Variants in KHDRBS3 observed in about 807,000 individuals in gnomAD.
KHDRBS3 encodes the protein KH RNA binding domain containing, signal transduction associated 3.
KHDRBS3 carries 23 observed loss-of-function variants against 45.6 expected under a neutral mutation model. The observed-to-expected ratio is 0.50, with a 90% CI of 0.36 to 0.72. KHDRBS3 has a LOEUF of 0.72. Among genes scored for constraint, KHDRBS3 ranks in the 30% least tolerant of loss-of-function variants. KHDRBS3 has a pLI of 0.00. For missense variants in KHDRBS3, 352 were observed against 424.8 expected (o/e 0.83, Z 1.51); for synonymous variants, 162 against 156.5 (o/e 1.04, Z -0.26).
At chr8:135,506,858 C>CT (rs1166668678) in intron 1 of KHDRBS3, among the ~76,000 whole-genome samples, 3 of 150,754 alleles carry the variant, frequency 2.0e-5, no homozygotes, top group African/African-American at 7.4e-5. Context: ...AAATCTAACC[C>CT]TTTTTTTACA....
At chr8:135,479,203 A>G (rs964758349) in intron 1 of KHDRBS3, among the ~76,000 whole-genome samples, 1 of 152,360 alleles carries the variant, frequency 6.6e-6, no homozygotes, top group South Asian at 2.1e-4. Flanking sequence ...ATATGCTAAT[A>G]AATTAGATAC....
chr8:135,650,359 A>G (rs1831404424), downstream of KHDRBS3, among the ~76,000 whole-genome samples: 1 of 152,030 alleles, frequency 6.6e-6, no homozygotes, highest in Admixed American at 6.6e-5. Flanking sequence ...GTGATCCTCC[A>G]CCCTCTCTAA....
intron 1 of KHDRBS3, among the ~76,000 whole-genome samples, chr8:135,492,258 ACTTAG>A (rs1823193139): frequency 6.6e-6 from 1 of 152,082 alleles, no homozygotes; most frequent in African/African-American, 2.4e-5. Context: ...GGATTGTAGT[ACTTAG>A]CTTTGCTTTG....
intron 1 of KHDRBS3, among the ~76,000 whole-genome samples, chr8:135,485,646 A>G (rs921609223): frequency 3.9e-5 from 6 of 152,078 alleles, no homozygotes; most frequent in African/African-American, 1.4e-4. Context: ...TTAATTTGCA[A>G]AATACCAGCT....
At chr8:135,549,609 A>G (rs947013768) in intron 4 of KHDRBS3, 1 of 152,194 alleles carries the variant, frequency 6.6e-6, no homozygotes, top group Non-Finnish European at 1.5e-5. Context: ...AAAAGGACTT[A>G]TTATGTCATT....
At chr8:135,631,065 A>G (rs1039537114) in intron 7 of KHDRBS3, among the ~76,000 whole-genome samples, 2 of 152,124 alleles carry the variant, frequency 1.3e-5, no homozygotes, top group Admixed American at 6.5e-5. Context: ...TCTGGCCAAC[A>G]TGGTGAGACC....
intron 2 of KHDRBS3, among the ~76,000 whole-genome samples, chr8:135,534,889 C>T (rs1825657257): frequency 6.6e-6 from 1 of 152,162 alleles, no homozygotes; most frequent in African/African-American, 2.4e-5. Context: ...CACGCTGAGG[C>T]TGCCATGGTA....
intron 1 of KHDRBS3, among the ~76,000 whole-genome samples, chr8:135,508,897 T>C (rs1285313507): frequency 1.3e-5 from 2 of 152,174 alleles, no homozygotes; most frequent in Non-Finnish European, 2.9e-5. Flanking sequence ...AGTAAAAACT[T>C]AGCCAGTCTT....
At chr8:135,625,657 G>GA in intron 7 of KHDRBS3, 2 of 833,012 alleles carry the variant, frequency 2.4e-6, no homozygotes, top group Non-Finnish European at 4.2e-6. Context: ...TTGAAACACT[G>GA]AACGAATTCA....
At chr8:135,520,246 C>A (rs2130647183) in intron 1 of KHDRBS3, among the ~76,000 whole-genome samples, 1 of 152,276 alleles carries the variant, frequency 6.6e-6, no homozygotes, top group Non-Finnish European at 1.5e-5. Flanking sequence ...TCTTTGATAC[C>A]TTCTCCAGGC....
At chr8:135,630,979 TG>T (rs1045976040) in intron 7 of KHDRBS3, among the ~76,000 whole-genome samples, 1 of 152,172 alleles carries the variant, frequency 6.6e-6, no homozygotes, top group African/African-American at 2.4e-5. Flanking sequence ...CCGGGCGCGG[TG>T]GCTCACGCCT....
intron 7 of KHDRBS3, among the ~76,000 whole-genome samples, chr8:135,613,459 T>A (rs961259806): frequency 1.3e-5 from 2 of 151,736 alleles, no homozygotes; most frequent in African/African-American, 4.9e-5. Flanking sequence ...AAGCACGTAG[T>A]CTTTGTAAAC....
At chr8:135,585,731 C>T (rs1218667893) in intron 6 of KHDRBS3, among the ~76,000 whole-genome samples, 1 of 152,118 alleles carries the variant, frequency 6.6e-6, no homozygotes, top group Non-Finnish European at 1.5e-5. Context: ...GTCCAGTTTT[C>T]AAAAGATTAT....
At chr8:135,482,370 G>A (rs867064663) in intron 1 of KHDRBS3, among the ~76,000 whole-genome samples, 44 of 53,128 alleles carry the variant, frequency 8.3e-4, no homozygotes, top group South Asian at 1.2e-3. Context: ...TGTTGCCCTG[G>A]GAAATGGTAA....
intron 6 of KHDRBS3, among the ~76,000 whole-genome samples, chr8:135,584,664 G>A (rs1828378048): frequency 6.6e-6 from 1 of 152,178 alleles, no homozygotes; most frequent in African/African-American, 2.4e-5. Flanking sequence ...CTGGTACTTG[G>A]TATAAGGAGT....
At chr8:135,570,742 G>A (rs971192328) in intron 5 of KHDRBS3, among the ~76,000 whole-genome samples, 1 of 152,176 alleles carries the variant, frequency 6.6e-6, no homozygotes, top group Non-Finnish European at 1.5e-5. Context: ...CTTGTTACCT[G>A]GCATGAGTAC....
At position 135,521,255 on chromosome 8, in the gene KHDRBS3, A is replaced by G; in HGVS notation, c.107A>G (p.Lys36Arg). 6.2e-7 allele frequency: 1 copy of G among 1,611,434 alleles called. No homozygotes were observed. The highest frequency in any genetic ancestry group is 1.3e-5 in the African/African-American group (1 of 74,972). Residue 36 changes from lysine (K) to arginine (R), a missense_variant, in exon 2 of 9, where the codon AAA becomes AGA. Transcript: ENST00000355849. ...LVNQEIEKFQ[K>R]GEGKDEEKYI... ...TCCACAGAAATAGAAAAGTTTCAAA[A>G]AGGAGAAGGCAAGGATGAAGAAAAG...
chr8:135,623,391 C>A (rs2131099001), intron 7 of KHDRBS3, among the ~76,000 whole-genome samples: 1 of 152,242 alleles, frequency 6.6e-6, no homozygotes, highest in African/African-American at 2.4e-5. Flanking sequence ...CTTGAGCGAG[C>A]CGCACAGTAA....
intron 7 of KHDRBS3, chr8:135,625,407 T>A: frequency 1.3e-6 from 1 of 778,672 alleles, no homozygotes; most frequent in Admixed American, 1.8e-5. Context: ...TCAACTCAGC[T>A]GCCTCATCGT....
Sources: allele counts gnomAD v4.1 joint callset (sites outside exome capture counted in the v4.1 genomes callset), GRCh38; gene constraint gnomAD v4.1.1; transcripts MANE v1.5; gene names NCBI Gene and HGNC (gene_info 2026-07-23, HGNC 2026-07-21).